BEND2: variants seen among roughly 807,000 people sequenced by gnomAD.
BEND2 encodes BEN domain-containing protein 2.
A neutral mutation model predicts 43.8 loss-of-function variants in BEND2; 19 were observed. The ratio of observed to expected loss-of-function variants is 0.43; its 90% CI spans 0.30 to 0.64. The LOEUF is 0.64. Ranked by LOEUF, BEND2 falls within the 30% of genes least tolerant of loss-of-function variation. BEND2 has a pLI of 0.11. For missense variants in BEND2, 544 were observed against 574.0 expected, an observed-to-expected ratio of 0.95 and a Z score of 0.53; for synonymous variants, 226 against 210.1, an observed-to-expected ratio of 1.08 and a Z score of -0.66.
At position 18,171,157 on chromosome X, in the gene BEND2, G is replaced by C; in HGVS notation, c.2029C>G (p.Leu677Val). 1 of 1,209,091 alleles carries C rather than the reference G, an allele frequency of 8.3e-7. No individual in the cohort carries two copies. Among genetic ancestry groups the C allele is most frequent in the East Asian group, 3.0e-5 (1 of 33,855 alleles). Residue 677 changes from leucine (L) to valine (V), a missense_variant, in exon 13 of 14, where the codon CTG becomes GTG. By Grantham distance (32) the Leu-to-Val change is conservative. Transcript: ENST00000380033. The stretch of plus-strand genomic sequence containing the variant: ...CAAGACTTAGTTTTTGCCAAAGTCA[G>C]TACTGAACATGGCATCCGTATATTT... The part of the protein sequence containing the change: ...WRNIRMPCSV[L>V]TLAKTKSCAS...
chrX:18,180,664 A>ACT lies in BEND2; in HGVS notation c.1289-16_1289-15dup. The stretch of plus-strand genomic sequence containing the variant: ...GAGGTAACAGTGCTGAAAGAAAAGA[A>ACT]CTCTCAACTGACAATTCTATATCCA... On this transcript the variant is annotated splice_polypyrimidine_tract_variant and intron_variant, in intron 8 of 13. Transcript: ENST00000380033. 8.6e-7 allele frequency: 1 copy of ACT among 1,163,511 alleles called. No individual in the cohort carries two copies. Among genetic ancestry groups the ACT allele is most frequent in the Non-Finnish European group, 1.2e-6 (1 of 852,725 alleles).
intron 4 of BEND2, among the ~76,000 whole-genome samples, chrX:18,206,853 C>T (rs1034896363): frequency 2.7e-5 from 3 of 111,535 alleles, no homozygotes; most frequent in Admixed American, 9.4e-5. Context: ...CTAAGCAGGA[C>T]GGAGGTGGAC....
At chrX:18,201,724 G>A in intron 6 of BEND2, 91 bp downstream of exon 6, 1 of 988,359 alleles carries the variant, frequency 1.0e-6, no homozygotes, top group South Asian at 2.7e-5. Context: ...AACTTCTGAT[G>A]TCAGGTGATG....
At chrX:18,214,826 AAAAAAAAAAGAAAG>A (rs1925626998) in intron 2 of BEND2, among the ~76,000 whole-genome samples, 1 of 106,968 alleles carries the variant, frequency 9.3e-6, no homozygotes, top group Non-Finnish European at 1.9e-5. Context: ...AAAAAAAAAA[AAAAAAAAAAGAAAG>A]AAAAAAAAAT....
intron 8 of BEND2, among the ~76,000 whole-genome samples, chrX:18,189,467 T>C (rs1924686310): frequency 9.0e-6 from 1 of 111,288 alleles, no homozygotes; most frequent in African/African-American, 3.3e-5. Flanking sequence ...GCCATGATCA[T>C]GCCACTGCAC....
chrX:18,177,911 A>C, intron 9 of BEND2, 142 bp from the exon 10 acceptor site: 2 of 600,273 alleles, frequency 3.3e-6, no homozygotes, highest in Non-Finnish European at 2.6e-6. Context: ...TAATTCATGA[A>C]TTTCTACTTG....
chrX:18,207,670 G>A (rs1359355704), intron 4 of BEND2, among the ~76,000 whole-genome samples: 1 of 112,097 alleles, frequency 8.9e-6, no homozygotes, highest in African/African-American at 3.2e-5. Flanking sequence ...TTTGAAAAAT[G>A]TATCACAATG....
chrX:18,177,813 G>A (rs1924230725), intron 9 of BEND2, 44 bp from the exon 10 acceptor site: 1 of 1,069,923 alleles, frequency 9.3e-7, no homozygotes, highest in Non-Finnish European at 1.3e-6. Flanking sequence ...GTTTTGTCAT[G>A]CAAGGGTACC....
chrX:18,199,594 T>C (rs1422718709), intron 6 of BEND2, among the ~76,000 whole-genome samples: 1 of 110,339 alleles, frequency 9.1e-6, no homozygotes, highest in Non-Finnish European at 1.9e-5. Context: ...TTTCTTACAA[T>C]TACATGTGAA....
intron 8 of BEND2, among the ~76,000 whole-genome samples, chrX:18,183,535 C>G (rs150753319): frequency 3.8e-4 from 43 of 112,449 alleles, no homozygotes; most frequent in African/African-American, 1.4e-3. Context: ...CCAAAATCAG[C>G]TTAGGTCCCA....
intron 6 of BEND2, among the ~76,000 whole-genome samples, chrX:18,199,057 TG>T (rs1925054811): frequency 2.4e-5 from 1 of 41,792 alleles, no homozygotes; most frequent in African/African-American, 1.0e-4. Context: ...TGTTGTGGGG[TG>T]GGGGGAGGGG....
chrX:18,219,548 A>C (rs763243065), intron 1 of BEND2, among the ~76,000 whole-genome samples: 13 of 112,499 alleles, frequency 1.2e-4, no homozygotes, highest in African/African-American at 3.5e-4. Flanking sequence ...AAAGCCTCAG[A>C]CTCTATGTCT....
chrX:18,174,280 T>C lies in BEND2; in HGVS notation c.1753-22A>G, dbSNP rs749039497. 5.9e-6 allele frequency: 7 copies of C among 1,177,189 alleles called. No homozygotes were observed. In the African/African-American group the frequency reaches 1.2e-4, roughly 21 times the overall value. ...TTTTCTGTTGAAACACAAAATCATA[T>C]CCGTAAACAAAGTCCCACAGCAAGA... On this transcript the variant is annotated intron_variant, in intron 11 of 13. Transcript: ENST00000380033.
At chrX:18,183,700 CT>C (rs1159366225) in intron 8 of BEND2, among the ~76,000 whole-genome samples, 18 of 112,001 alleles carry the variant, frequency 1.6e-4, no homozygotes, top group Non-Finnish European at 3.4e-4. Context: ...TCACCGTAAG[CT>C]GAGTGAACAG....
At position 18,175,847 on chromosome X, in the gene BEND2, C is replaced by A. The variant is rs992812277; in HGVS notation, c.1752+125G>T. Reference sequence around the variant, plus strand: ...GTGCTTTTGAAAGAACATCCCATGCCCCCTAAGTTAATGAGAATTTTAGCA... The same window carrying A: ...GTGCTTTTGAAAGAACATCCCATGCACCCTAAGTTAATGAGAATTTTAGCA... On this transcript the variant is annotated intron_variant, in intron 11 of 13. Transcript: ENST00000380033. 6.9e-6 allele frequency: 4 copies of A among 577,255 alleles called. 1 individual carries two copies. Among genetic ancestry groups the A allele is most frequent in the Admixed American group, 4.6e-5 (1 of 21,592 alleles). The allele number at this position is 577,255 out of a possible 1,213,427, so 47.6% of individuals were successfully genotyped here. A position where few individuals can be genotyped will look rare whatever the true frequency, so the allele number is the denominator to read the frequency against.
chrX:18,173,465 A>C (rs1924037412), intron 12 of BEND2, among the ~76,000 whole-genome samples: 2 of 111,727 alleles, frequency 1.8e-5, no homozygotes, highest in Admixed American at 1.9e-4. Flanking sequence ...GACAGAATAA[A>C]GTCTTGCTAC....
chrX:18,219,837 C>T (rs1251796620), intron 1 of BEND2, among the ~76,000 whole-genome samples: 5 of 111,844 alleles, frequency 4.5e-5, no homozygotes, highest in Admixed American at 9.4e-5. Flanking sequence ...ATCCAGGAAG[C>T]GGAGGCTGCA....
In BEND2 at chrX:18,174,283, G is replaced by A. The variant is rs780158142; in HGVS notation, c.1753-25C>T. On this transcript the variant is annotated intron_variant, in intron 11 of 13. Transcript: ENST00000380033. ...TCTGTTGAAACACAAAATCATATCC[G>A]TAAACAAAGTCCCACAGCAAGAAAA... 5.1e-6 allele frequency: 6 copies of A among 1,166,278 alleles called. 1 individual carries two copies. The Admixed American group carries it at 6.6e-5, about 13-fold the overall frequency.
intron 4 of BEND2, among the ~76,000 whole-genome samples, chrX:18,211,890 CATT>C (rs1925514778): frequency 9.1e-6 from 1 of 109,758 alleles, no homozygotes; most frequent in Admixed American, 9.8e-5. Context: ...ATCTCCAAAA[CATT>C]CTTCTCAGGA....
Sources: allele counts gnomAD v4.1 joint callset (sites outside exome capture counted in the v4.1 genomes callset), GRCh38; gene constraint gnomAD v4.1.1; transcripts MANE v1.5; gene names NCBI Gene and HGNC (gene_info 2026-07-23, HGNC 2026-07-21).